EDIL3: variants seen among roughly 807,000 people sequenced by gnomAD.
The protein encoded by EDIL3 is EGF-like repeat and discoidin I-like domain-containing protein 3.
Under a neutral mutation model 67.4 loss-of-function variants are expected in EDIL3, and 37 were observed. The observed-to-expected ratio is 0.55, with a 90% CI of 0.42 to 0.72. The LOEUF is 0.72. Ranked by LOEUF, EDIL3 falls within the 30% of genes least tolerant of loss-of-function variation. EDIL3 has a pLI of 0.00. For synonymous variants in EDIL3, 195 were observed against 196.3 expected (o/e 0.99, Z 0.05); for missense variants, 527 against 586.3 (o/e 0.90, Z 1.04).
chr5:84,124,968 C>A (rs1317788982), intron 5 of EDIL3, among the ~76,000 whole-genome samples: 1 of 151,764 alleles, frequency 6.6e-6, no homozygotes, highest in Non-Finnish European at 1.5e-5. Flanking sequence ...ATGCACAATC[C>A]CTTGAACTAC....
intron 2 of EDIL3, among the ~76,000 whole-genome samples, chr5:84,249,855 G>A (rs1314298261): frequency 6.6e-6 from 1 of 152,056 alleles, no homozygotes; most frequent in Non-Finnish European, 1.5e-5. Flanking sequence ...AGCACTTTGG[G>A]AGCCAAGGTG....
intron 4 of EDIL3, among the ~76,000 whole-genome samples, chr5:84,149,677 A>T (rs1305345755): frequency 1.3e-5 from 2 of 152,170 alleles, no homozygotes; most frequent in Non-Finnish European, 2.9e-5. Flanking sequence ...AGTTGAAAAG[A>T]CAGTATATAT....
At chr5:84,052,582 C>A (rs1197492282) in intron 9 of EDIL3, among the ~76,000 whole-genome samples, 1 of 152,060 alleles carries the variant, frequency 6.6e-6, no homozygotes, top group East Asian at 1.9e-4. Context: ...TGCAGAGACA[C>A]ACATAGGCTC....
At chr5:84,232,997 G>A (rs530442621) in intron 2 of EDIL3, among the ~76,000 whole-genome samples, 1 of 152,244 alleles carries the variant, frequency 6.6e-6, no homozygotes, top group African/African-American at 2.4e-5. Context: ...CCTCTCAGAA[G>A]TCATAAAATC....
intron 6 of EDIL3, among the ~76,000 whole-genome samples, chr5:84,092,718 A>T (rs1251634893): frequency 2.0e-5 from 3 of 152,150 alleles, no homozygotes; most frequent in Admixed American, 2.0e-4. Context: ...TTCTAAACTC[A>T]TGGTGTGATT....
chr5:83,987,127 A>G (rs1745069428), intron 9 of EDIL3, among the ~76,000 whole-genome samples: 1 of 152,170 alleles, frequency 6.6e-6, no homozygotes, highest in South Asian at 2.1e-4. Context: ...AAATGTGATC[A>G]TTAGACTTTC....
At chr5:84,049,350 C>A (rs1355661084) in intron 9 of EDIL3, among the ~76,000 whole-genome samples, 1 of 152,140 alleles carries the variant, frequency 6.6e-6, no homozygotes, top group Non-Finnish European at 1.5e-5. Context: ...TCCTGAGGTA[C>A]ACAATCCACC....
intron 1 of EDIL3, among the ~76,000 whole-genome samples, chr5:84,282,981 T>C (rs892865758): frequency 1.3e-5 from 2 of 152,198 alleles, no homozygotes; most frequent in Non-Finnish European, 2.9e-5. Context: ...TTCTTGAAAT[T>C]ACCTGATCAA....
chr5:84,221,649 G>A (rs3822635), intron 3 of EDIL3, among the ~76,000 whole-genome samples: 1 of 151,632 alleles, frequency 6.6e-6, no homozygotes, highest in African/African-American at 2.4e-5. Flanking sequence ...AGCAGTGATT[G>A]TTTTTTCCCT....
intron 5 of EDIL3, among the ~76,000 whole-genome samples, chr5:84,135,616 T>G (rs948998223): frequency 6.6e-6 from 1 of 152,154 alleles, no homozygotes; most frequent in Admixed American, 6.6e-5. Context: ...AAAGAGAAGC[T>G]GAACCTGAGC....
chr5:84,304,857 C>A (rs1185733446), intron 1 of EDIL3, among the ~76,000 whole-genome samples: 1 of 152,078 alleles, frequency 6.6e-6, no homozygotes, highest in Admixed American at 6.6e-5. Flanking sequence ...AAAACTAAAG[C>A]CCTCACTTTA....
At chr5:83,945,079 T>A (rs1232412140) in intron 10 of EDIL3, among the ~76,000 whole-genome samples, 1 of 152,018 alleles carries the variant, frequency 6.6e-6, no homozygotes, top group Non-Finnish European at 1.5e-5. Flanking sequence ...CACTGATTAA[T>A]AGGAGCAATA....
chr5:84,162,859 G>A (rs996668834), intron 4 of EDIL3, among the ~76,000 whole-genome samples: 1 of 152,008 alleles, frequency 6.6e-6, no homozygotes, highest in African/African-American at 2.4e-5. Context: ...TTGTCTTTGG[G>A]CCTCCCAAGA....
intron 9 of EDIL3, among the ~76,000 whole-genome samples, chr5:84,031,916 A>C (rs1164857259): frequency 1.3e-5 from 2 of 152,332 alleles, no homozygotes; most frequent in African/African-American, 4.8e-5. Context: ...ATCTCGTTGA[A>C]GGCTCCATGA....
At chr5:84,349,561 A>G (rs1053088039) in intron 1 of EDIL3, among the ~76,000 whole-genome samples, 1 of 152,130 alleles carries the variant, frequency 6.6e-6, no homozygotes, top group East Asian at 1.9e-4. Flanking sequence ...AAGCAAGCAT[A>G]TTTCTTTAAA....
intron 10 of EDIL3, among the ~76,000 whole-genome samples, chr5:83,962,366 A>G (rs1744618960): frequency 6.6e-6 from 1 of 151,452 alleles, no homozygotes; most frequent in East Asian, 1.9e-4. Flanking sequence ...AGTGACTCTA[A>G]GCAACGAATT....
intron 2 of EDIL3, among the ~76,000 whole-genome samples, chr5:84,249,371 ATATCTTTCTATCTATC>A (rs1049247245): frequency 2.8e-5 from 4 of 142,070 alleles, no homozygotes; most frequent in African/African-American, 8.0e-5. Context: ...ACATAACAAC[ATATCTTTCTATCTATC>A]TATCTATCTA....
At chr5:84,253,168 C>T (rs774320634) in intron 2 of EDIL3, among the ~76,000 whole-genome samples, 16 of 152,042 alleles carry the variant, frequency 1.1e-4, no homozygotes, top group Non-Finnish European at 1.6e-4. Flanking sequence ...TCAGACTGAT[C>T]CCTGGACGCT....
In EDIL3 at chr5:84,005,546, A is replaced by G. The variant is rs114404108; in HGVS notation, c.1138-42186T>C. Among the ~76,000 whole-genome samples, 1,431 of 152,280 alleles carry G rather than the reference A, an allele frequency of 9.4e-3. 28 individuals carry two copies. Among genetic ancestry groups the G allele is most frequent in the African/African-American group, 0.033 (1,370 of 41,562 alleles). On this transcript the variant is annotated intron_variant, in intron 9 of 10. Coordinates refer to ENST00000296591, the MANE Select transcript of EDIL3 (RefSeq NM_005711.5). ...ATACACATATCAATAAATGTGTTTC[A>G]TCACATACACAGAACTAAAAGTGAA...
Sources: allele counts gnomAD v4.1 joint callset (sites outside exome capture counted in the v4.1 genomes callset), GRCh38; gene constraint gnomAD v4.1.1; transcripts MANE v1.5; gene names NCBI Gene and HGNC (gene_info 2026-07-23, HGNC 2026-07-21).